Variants in KSR2 observed in about 807,000 individuals in gnomAD.
The protein encoded by KSR2 is kinase suppressor of ras 2.
Under a neutral mutation model 107.8 loss-of-function variants are expected in KSR2, and 25 were observed. That is an observed-to-expected ratio of 0.23 (90% CI 0.17 to 0.32). The LOEUF (loss-of-function observed/expected upper bound fraction) is 0.32, where lower values mean the gene tolerates loss of function less well. KSR2 is among the 10% of genes least tolerant of loss of function. The pLI is 1.00. For missense variants in KSR2, 887 were observed against 1,268.9 expected (o/e 0.70, Z 4.57); for synonymous variants, 480 against 507.0 (o/e 0.95, Z 0.71).
At chr12:117,852,392 C>A (rs1257933916) in intron 3 of KSR2, among the ~76,000 whole-genome samples, 1 of 152,080 alleles carries the variant, frequency 6.6e-6, no homozygotes, top group Non-Finnish European at 1.5e-5. Context: ...CGCACCACTG[C>A]ACTCCAGCCT....
chr12:117,812,510 T>C lies in KSR2; in HGVS notation c.472+42918A>G, dbSNP rs1236885192. ...GTCCAATTCATTCCAAGCGAAGTCT[T>C]CAGCTCCTCTTGAATTTATTACAAT... is the stretch of plus-strand genomic sequence containing the variant. On this transcript the variant is annotated intron_variant, in intron 3 of 19. Transcript: ENST00000339824. Among the ~76,000 whole-genome samples the C allele has an allele frequency of 2.0e-5, 3 of 152,306 alleles. No individual in the cohort carries two copies. In the East Asian group the frequency reaches 5.8e-4, roughly 29 times the overall value.
At chr12:117,690,668 A>G (rs1272744223) in intron 4 of KSR2, among the ~76,000 whole-genome samples, 1 of 152,230 alleles carries the variant, frequency 6.6e-6, no homozygotes, top group Non-Finnish European at 1.5e-5. Flanking sequence ...CCTTGTCATG[A>G]GCATGTGTAA....
At chr12:117,564,570 C>T (rs1878339527) in intron 7 of KSR2, among the ~76,000 whole-genome samples, 1 of 152,236 alleles carries the variant, frequency 6.6e-6, no homozygotes, top group Admixed American at 6.5e-5. Flanking sequence ...CTTCAGTTAT[C>T]AGGAAAAGTT....
At chr12:117,956,081 T>G (rs1243669127) in intron 1 of KSR2, among the ~76,000 whole-genome samples, 1 of 150,292 alleles carries the variant, frequency 6.7e-6, no homozygotes, top group Non-Finnish European at 1.5e-5. Flanking sequence ...AAACCCCATC[T>G]CTACTAAAAA....
At chr12:117,865,894 A>G (rs1175857836) in intron 1 of KSR2, among the ~76,000 whole-genome samples, 1 of 152,200 alleles carries the variant, frequency 6.6e-6, no homozygotes, top group East Asian at 1.9e-4. Context: ...GTTAAATAAC[A>G]TCGTATCATA....
intron 3 of KSR2, among the ~76,000 whole-genome samples, chr12:117,792,091 C>CT (rs1890271299): frequency 6.6e-6 from 1 of 152,058 alleles, no homozygotes; most frequent in Non-Finnish European, 1.5e-5. Context: ...AATCCCAGCA[C>CT]TTTGAGAGGC....
intron 7 of KSR2, among the ~76,000 whole-genome samples, chr12:117,574,241 C>G (rs1879110737): frequency 6.6e-6 from 1 of 151,740 alleles, no homozygotes; most frequent in East Asian, 1.9e-4. Context: ...CTTGTGCACA[C>G]TCAAGTTTGA....
At chr12:117,867,327 A>G (rs1893508497) in intron 1 of KSR2, among the ~76,000 whole-genome samples, 1 of 151,798 alleles carries the variant, frequency 6.6e-6, no homozygotes, top group Admixed American at 6.6e-5. Flanking sequence ...AAAAAAAAAA[A>G]GGGAAAATTC....
intron 5 of KSR2, among the ~76,000 whole-genome samples, chr12:117,586,989 G>T (rs1223760364): frequency 6.6e-6 from 1 of 152,230 alleles, no homozygotes. Context: ...AAGTGACTGA[G>T]TTGGGATTTA....
In KSR2 at chr12:117,647,150, G is replaced by A. The variant is rs141630751; in HGVS notation, c.1171+20324C>T. Among the ~76,000 whole-genome samples the A allele has an allele frequency of 1.2e-3, 182 of 152,272 alleles. 1 individual carries two copies. Among genetic ancestry groups the A allele is most frequent in the Middle Eastern group, 3.4e-3 (1 of 294 alleles). On this transcript the variant is annotated intron_variant, in intron 5 of 19. Coordinates refer to ENST00000339824, the MANE Select transcript of KSR2 (RefSeq NM_173598.6). ...CAGACCTGAAGACAGATGTGACGGA[G>A]GAAGAGAGTAAAGAGAGTAAACAGA...
Position 117,968,854 on chromosome 12 carries a change from G to A in KSR2, c.-599C>T. 4.6e-6 allele frequency: 1 copy of A among 218,788 alleles called. No individual in the cohort carries two copies. 13.6% of individuals were successfully genotyped at this position (218,788 alleles called of 1,614,324 possible). ...TGCTGTCTGCATTGCTCCCGCGGCT[G>A]CGGCGGCTACTGCGGCTGGCTGCTG... On this transcript the variant is annotated 5_prime_UTR_variant, in exon 1 of 20. Coordinates refer to ENST00000339824, the MANE Select transcript of KSR2 (RefSeq NM_173598.6).
chr12:117,578,601 CAAAAAAAAAAAAA>C (rs66919524), intron 7 of KSR2, among the ~76,000 whole-genome samples: 2 of 103,976 alleles, frequency 1.9e-5, no homozygotes, highest in Non-Finnish European at 4.5e-5. Context: ...GACTCCATCT[CAAAAAAAAAAAAA>C]AAAAAAAAAA....
chr12:117,493,927 C>T (rs1055756520), intron 14 of KSR2, among the ~76,000 whole-genome samples: 6 of 152,264 alleles, frequency 3.9e-5, no homozygotes, highest in South Asian at 2.1e-4. Context: ...AAGTGTCTGT[C>T]ACCTCCTGCC....
At chr12:117,826,737 G>C (rs940459210) in intron 3 of KSR2, among the ~76,000 whole-genome samples, 5 of 151,874 alleles carry the variant, frequency 3.3e-5, no homozygotes, top group Admixed American at 6.6e-5. Context: ...CACGCCGAGA[G>C]AGACAGAACT....
intron 5 of KSR2, among the ~76,000 whole-genome samples, chr12:117,648,502 G>T (rs924113153): frequency 6.6e-6 from 1 of 152,174 alleles, no homozygotes; most frequent in Non-Finnish European, 1.5e-5. Flanking sequence ...CTATAATGTA[G>T]CAGGCTATGG....
At chr12:117,601,302 G>T (rs1880934934) in intron 5 of KSR2, among the ~76,000 whole-genome samples, 1 of 150,532 alleles carries the variant, frequency 6.6e-6, no homozygotes, top group Admixed American at 6.6e-5. Context: ...TCTTGGGGGG[G>T]GGGGTACCTA....
chr12:117,948,372 C>G (rs922936172), intron 1 of KSR2, among the ~76,000 whole-genome samples: 23 of 152,020 alleles, frequency 1.5e-4, no homozygotes, highest in Non-Finnish European at 3.4e-4. Context: ...TGCCTGTAAC[C>G]CCAGCTACTC....
At chr12:117,596,913 G>A (rs1250564152) in intron 5 of KSR2, among the ~76,000 whole-genome samples, 1 of 152,166 alleles carries the variant, frequency 6.6e-6, no homozygotes, top group African/African-American at 2.4e-5. Context: ...ACTGTGGTTC[G>A]CAGATAAACA....
intron 7 of KSR2, among the ~76,000 whole-genome samples, chr12:117,565,995 G>A (rs546014165): frequency 6.6e-5 from 10 of 152,244 alleles, no homozygotes; most frequent in African/African-American, 2.4e-4. Flanking sequence ...AGGGGGACAC[G>A]TACAGGTTTG....
Sources: allele counts gnomAD v4.1 joint callset (sites outside exome capture counted in the v4.1 genomes callset), GRCh38; gene constraint gnomAD v4.1.1; transcripts MANE v1.5; gene names NCBI Gene and HGNC (gene_info 2026-07-23, HGNC 2026-07-21).